The following SVOPL variants were observed in gnomAD, a reference collection of about 807,000 sequenced individuals.
The protein encoded by SVOPL is putative transporter SVOPL.
A neutral mutation model predicts 61.0 loss-of-function variants in SVOPL; 60 were observed. The ratio of observed to expected loss-of-function variants is 0.98; its 90% CI spans 0.80 to 1.22. The LOEUF is 1.22. SVOPL is among the 50% of genes most tolerant of loss of function. SVOPL has a pLI of 0.00. For synonymous variants in SVOPL, 279 were observed against 250.0 expected (o/e 1.12, Z -1.09); for missense variants, 662 against 643.9 (o/e 1.03, Z -0.30).
intron 14 of SVOPL, among the ~76,000 whole-genome samples, chr7:138,607,584 G>T (rs1798814260): frequency 6.6e-6 from 1 of 152,168 alleles, no homozygotes; most frequent in South Asian, 2.1e-4. Flanking sequence ...GAGACACAGA[G>T]GTCACTGGAG....
At chr7:138,629,127 A>ATATGTGTGTATGTATATGTGTGTG (rs1554459931) in intron 10 of SVOPL, among the ~76,000 whole-genome samples, 2 of 66,168 alleles carry the variant, frequency 3.0e-5, no homozygotes, top group African/African-American at 1.1e-4. Context: ...TGTTTTATAT[A>ATATGTGTGTATGTATATGTGTGTG]TGTGTGTGTG....
At chr7:138,631,577 C>CT (rs375928011) in intron 9 of SVOPL, among the ~76,000 whole-genome samples, 84 of 150,596 alleles carry the variant, frequency 5.6e-4, no homozygotes, top group African/African-American at 1.8e-3. Context: ...CTCCCCAAAG[C>CT]TTTTTTTTTG....
intron 7 of SVOPL, among the ~76,000 whole-genome samples, chr7:138,653,538 T>G (rs1442375951): frequency 6.6e-6 from 1 of 152,088 alleles, no homozygotes; most frequent in Non-Finnish European, 1.5e-5. Flanking sequence ...ACAGTGCCTC[T>G]TACCTGTAAT....
intron 5 of SVOPL, chr7:138,661,690 A>G: frequency 1.1e-6 from 1 of 890,000 alleles, no homozygotes; most frequent in South Asian, 5.2e-5. Flanking sequence ...TAACGAACCA[A>G]TGTAAATTAT....
chr7:138,664,020 GGTCCTGCAC>G (rs1802133625), intron 4 of SVOPL, among the ~76,000 whole-genome samples: 1 of 151,992 alleles, frequency 6.6e-6, no homozygotes, highest in South Asian at 2.1e-4. Flanking sequence ...GCCACGACTG[GGTCCTGCAC>G]GCTACACTTT....
intron 9 of SVOPL, among the ~76,000 whole-genome samples, chr7:138,638,168 G>A (rs1448152708): frequency 2.0e-5 from 3 of 151,080 alleles, no homozygotes; most frequent in African/African-American, 7.3e-5. Context: ...AGCTACTTGA[G>A]GGGCTAAAGC....
At chr7:138,661,840 C>T (rs1802015141) in intron 5 of SVOPL, 1 of 984,308 alleles carries the variant, frequency 1.0e-6, no homozygotes. Context: ...AATCTTGGTC[C>T]AAATAAACTC....
chr7:138,608,893 C>A (rs573341696), intron 14 of SVOPL, among the ~76,000 whole-genome samples: 1 of 152,150 alleles, frequency 6.6e-6, no homozygotes, highest in South Asian at 2.1e-4. Flanking sequence ...ACGTAATTGC[C>A]AAATACGGAA....
At chr7:138,669,750 G>A (rs1030105501) in intron 4 of SVOPL, among the ~76,000 whole-genome samples, 4 of 152,162 alleles carry the variant, frequency 2.6e-5, no homozygotes, top group Admixed American at 2.6e-4. Flanking sequence ...ATACGTTTCT[G>A]TCCCAAGCTG....
chr7:138,632,737 GGGAGGAAAAAGGA>G (rs1480737183), intron 9 of SVOPL, among the ~76,000 whole-genome samples: 1 of 151,424 alleles, frequency 6.6e-6, no homozygotes, highest in African/African-American at 2.4e-5. Context: ...GGATGGGGGC[GGGAGGAAAAAGGA>G]GGAGGAAAGA....
intron 13 of SVOPL, among the ~76,000 whole-genome samples, chr7:138,622,258 CTATCTATCTATG>C (rs1470324849): frequency 0.044 from 3,620 of 82,580 alleles, 101 homozygotes; most frequent in African/African-American, 0.051. Flanking sequence ...ATCTATGTAT[CTATCTATCTATG>C]TATCTATCTA....
intron 5 of SVOPL, chr7:138,661,478 C>T (rs866718533): frequency 1.1e-5 from 11 of 979,532 alleles, no homozygotes; most frequent in African/African-American, 1.0e-4. Flanking sequence ...CATGCGACTC[C>T]GGTCACATTC....
intron 1 of SVOPL, among the ~76,000 whole-genome samples, chr7:138,682,840 T>C (rs1479962266): frequency 6.6e-6 from 1 of 151,712 alleles, no homozygotes; most frequent in East Asian, 1.9e-4. Context: ...TGATGGTGCA[T>C]GTCTGTAATC....
intron 1 of SVOPL, among the ~76,000 whole-genome samples, chr7:138,700,335 CTTTTTT>C (rs776461183): frequency 1.0e-5 from 1 of 99,768 alleles, no homozygotes; most frequent in Non-Finnish European, 1.9e-5. Flanking sequence ...TTCCGTATGT[CTTTTTT>C]TTTTTTTTTT....
intron 9 of SVOPL, among the ~76,000 whole-genome samples, chr7:138,644,463 A>G (rs1800991317): frequency 6.6e-6 from 1 of 152,194 alleles, no homozygotes; most frequent in Non-Finnish European, 1.5e-5. Context: ...ATGATGCCAA[A>G]TCATGTTATT....
chr7:138,648,987 G>A (rs1391518034), intron 8 of SVOPL, 25 bp downstream of exon 8: 1 of 1,613,350 alleles, frequency 6.2e-7, no homozygotes, highest in Non-Finnish European at 8.5e-7. Flanking sequence ...GAGGGGACAG[G>A]AAGGAGCCAC....
chr7:138,642,220 A>C (rs1033456803), intron 9 of SVOPL, among the ~76,000 whole-genome samples: 1 of 151,102 alleles, frequency 6.6e-6, no homozygotes, highest in Non-Finnish European at 1.5e-5. Context: ...AAAATAAATG[A>C]TCATCTAAGT....
intron 9 of SVOPL, among the ~76,000 whole-genome samples, chr7:138,637,876 C>T (rs1800573862): frequency 6.6e-6 from 1 of 152,104 alleles, no homozygotes; most frequent in Non-Finnish European, 1.5e-5. Flanking sequence ...CGCTTGAACC[C>T]AGGAGGCAGA....
intron 6 of SVOPL, among the ~76,000 whole-genome samples, chr7:138,657,229 C>T (rs1036002326): frequency 1.3e-5 from 2 of 151,714 alleles, no homozygotes; most frequent in South Asian, 2.1e-4. Flanking sequence ...GATCACAGCT[C>T]GCTGCAGCCT....
Sources: gnomAD v4.1 joint callset for allele counts (sites outside exome capture counted in the v4.1 genomes callset) on GRCh38, gnomAD v4.1.1 for gene constraint, MANE v1.5 for transcripts, NCBI Gene and HGNC (gene_info 2026-07-23, HGNC 2026-07-21) for gene names.